The following CDH10 variants were observed in gnomAD, a reference collection of about 807,000 sequenced individuals.
The protein encoded by CDH10 is cadherin-10.
A neutral mutation model predicts 73.1 loss-of-function variants in CDH10; 30 were observed. The ratio of observed to expected loss-of-function variants is 0.41; its 90% CI spans 0.31 to 0.56. The LOEUF (loss-of-function observed/expected upper bound fraction) is 0.56. Among genes scored for constraint, CDH10 ranks in the 20% least tolerant of loss-of-function variants. The pLI is 0.27. For missense variants in CDH10, 815 were observed against 973.7 expected, an observed-to-expected ratio of 0.84 and a Z score of 2.17; for synonymous variants, 345 against 348.2, an observed-to-expected ratio of 0.99 and a Z score of 0.10.
intron 1 of CDH10, among the ~76,000 whole-genome samples, chr5:24,621,085 G>A (rs546094264): frequency 1.3e-5 from 2 of 152,220 alleles, no homozygotes; most frequent in Admixed American, 6.5e-5. Context: ...ATTCAGGAGG[G>A]AGCCTCCATC....
intron 8 of CDH10, among the ~76,000 whole-genome samples, chr5:24,502,027 T>A (rs1441808465): frequency 6.8e-6 from 1 of 147,874 alleles, no homozygotes; most frequent in African/African-American, 2.5e-5. Context: ...CACGCCATTC[T>A]CCTACCTCAG....
chr5:24,520,588 T>C (rs1008173840), intron 5 of CDH10, among the ~76,000 whole-genome samples: 3 of 152,190 alleles, frequency 2.0e-5, no homozygotes, highest in African/African-American at 7.2e-5. Flanking sequence ...AAGGAGAGGA[T>C]GATATATGCA....
At chr5:24,609,244 A>T (rs1746862740) in intron 1 of CDH10, among the ~76,000 whole-genome samples, 1 of 152,180 alleles carries the variant, frequency 6.6e-6, no homozygotes, top group South Asian at 2.1e-4. Flanking sequence ...AAAGAGGGTC[A>T]AGCTATTGAG....
At chr5:24,550,462 G>C (rs1744503994) in intron 2 of CDH10, among the ~76,000 whole-genome samples, 1 of 151,898 alleles carries the variant, frequency 6.6e-6, no homozygotes, top group African/African-American at 2.4e-5. Context: ...GGAAATACTA[G>C]GATTCCATAA....
chr5:24,550,806 T>A (rs1376568914), intron 2 of CDH10, among the ~76,000 whole-genome samples: 1 of 152,144 alleles, frequency 6.6e-6, no homozygotes, highest in African/African-American at 2.4e-5. Context: ...CTTTACTCAT[T>A]TATTCCATAA....
At chr5:24,519,613 A>C (rs2111807096) in intron 5 of CDH10, among the ~76,000 whole-genome samples, 1 of 152,304 alleles carries the variant, frequency 6.6e-6, no homozygotes, top group South Asian at 2.1e-4. Flanking sequence ...CTACCCTAAA[A>C]TTAAACCAGG....
At chr5:24,618,190 A>C (rs1199964950) in intron 1 of CDH10, among the ~76,000 whole-genome samples, 1 of 152,202 alleles carries the variant, frequency 6.6e-6, no homozygotes, top group African/African-American at 2.4e-5. Context: ...ATAATTATGG[A>C]TAAAACTGAT....
At chr5:24,506,746 A>G (rs1317416044) in intron 7 of CDH10, among the ~76,000 whole-genome samples, 2 of 152,154 alleles carry the variant, frequency 1.3e-5, no homozygotes, top group African/African-American at 4.8e-5. Flanking sequence ...GAATGACCTA[A>G]TTAATTGGCA....
chr5:24,539,774 T>G (rs1170506658), intron 2 of CDH10, among the ~76,000 whole-genome samples: 1 of 152,038 alleles, frequency 6.6e-6, no homozygotes, highest in Non-Finnish European at 1.5e-5. Context: ...GAAACCACTC[T>G]TAAAAAAAGT....
rs758705496 is a variant in CDH10 at position 24,487,653 on chromosome 5, A to G, written c.*10T>C. 43 of 1,604,128 alleles carry G rather than the reference A, an allele frequency of 2.7e-5. No individual in the cohort carries two copies. The highest frequency in any genetic ancestry group is 3.4e-5 in the Admixed American group (2 of 59,290). ...ACTTTCTCTTGTTTGAACAGAACAT[A>G]TATCCTACGTTAAGAGTCTTTGTCA... On this transcript the variant is annotated 3_prime_UTR_variant, in exon 12 of 12. Coordinates refer to ENST00000264463, the MANE Select transcript of CDH10 (RefSeq NM_006727.5).
At chr5:24,504,506 CTTTTTTTTTTT>C (rs70965605) in intron 8 of CDH10, among the ~76,000 whole-genome samples, 4,056 of 65,140 alleles carry the variant, frequency 0.062, 957 homozygotes, top group African/African-American at 0.094. Context: ...TCCTATTAAT[CTTTTTTTTTTT>C]TTTTTTTTTT....
rs1001227038 is a variant in CDH10, at chr5:24,586,843, C to CTTTTTTTTTTTTTTTTTTTTTTTTTT, written c.231+6416_231+6417insAAAAAAAAAAAAAAAAAAAAAAAAAA. ...GTAAAACAATAAGATAGCCCATATTCTTTTTTTTTTTTTTTTTTTGAGCCG... is the reference window on the plus strand; with the variant it reads ...GTAAAACAATAAGATAGCCCATATTCTTTTTTTTTTTTTTTTTTTTTTTTTTTTTTTTTTTTTTTTTTTTTGAGCCG... On this transcript the variant is annotated intron_variant, in intron 2 of 11. Transcript: ENST00000264463. Among the ~76,000 whole-genome samples the CTTTTTTTTTTTTTTTTTTTTTTTTTT allele has an allele frequency of 1.3e-4, 13 of 102,756 alleles. 1 individual carries two copies. The highest frequency in any genetic ancestry group is 2.8e-4 in the East Asian group (1 of 3,516). The allele number at this position is 102,756 out of a possible 152,430, so 67.4% of individuals were successfully genotyped here.
At chr5:24,573,649 G>A (rs1446028441) in intron 2 of CDH10, among the ~76,000 whole-genome samples, 2 of 148,672 alleles carry the variant, frequency 1.3e-5, no homozygotes, top group Non-Finnish European at 3.0e-5. Flanking sequence ...TGCAGTGAGC[G>A]GAGATCGCGC....
rs1433082997 is a variant in CDH10, at chr5:24,487,617, T to C, written c.*46A>G. ...CAAATATTGTGAAGTGGAGACAGCA[T>C]GGGTAGAGTTACTTTCTCTTGTTTG... On this transcript the variant is annotated 3_prime_UTR_variant, in exon 12 of 12. Coordinates refer to ENST00000264463, the MANE Select transcript of CDH10 (RefSeq NM_006727.5). The C allele has an allele frequency of 6.5e-7, 1 of 1,542,950 alleles. No individual in the cohort carries two copies. The highest frequency in any genetic ancestry group is 8.8e-7 in the Non-Finnish European group (1 of 1,140,104).
chr5:24,487,534 T>C lies in CDH10; in HGVS notation c.*129A>G. 1.3e-6 allele frequency: 1 copy of C among 790,754 alleles called. No homozygotes were observed. Among genetic ancestry groups the C allele is most frequent in the Non-Finnish European group, 2.1e-6 (1 of 480,640 alleles). The allele number at this position is 790,754 out of a possible 1,614,324, so 49.0% of individuals were successfully genotyped here. ...AGAATTAATGTAATTAATGAACAAA[T>C]TAAGAAGTAAATGAGAAAAAAAATT... On this transcript the variant is annotated 3_prime_UTR_variant, in exon 12 of 12. Transcript: ENST00000264463.
intron 2 of CDH10, among the ~76,000 whole-genome samples, chr5:24,579,672 C>G (rs541751205): frequency 2.2e-4 from 33 of 152,242 alleles, no homozygotes; most frequent in African/African-American, 7.7e-4. Flanking sequence ...TTGACACATT[C>G]TCTTCTCCTT....
intron 1 of CDH10, among the ~76,000 whole-genome samples, chr5:24,606,404 AGT>A (rs1561192918): frequency 1.3e-5 from 2 of 152,132 alleles, no homozygotes; most frequent in African/African-American, 4.8e-5. Flanking sequence ...TGAGGTCAGG[AGT>A]TCGAGACCAG....
intron 2 of CDH10, among the ~76,000 whole-genome samples, chr5:24,576,182 T>C (rs1417298171): frequency 1.3e-5 from 2 of 152,192 alleles, no homozygotes; most frequent in Non-Finnish European, 2.9e-5. Context: ...TCTTCAATTT[T>C]ATCAGCTATA....
intron 5 of CDH10, among the ~76,000 whole-genome samples, chr5:24,530,588 A>G (rs1561143702): frequency 6.6e-6 from 1 of 152,094 alleles, no homozygotes. Flanking sequence ...ATGAAACAGA[A>G]AAAAATAAGG....
Sources: allele counts gnomAD v4.1 joint callset (sites outside exome capture counted in the v4.1 genomes callset), GRCh38; gene constraint gnomAD v4.1.1; transcripts MANE v1.5; gene names NCBI Gene and HGNC (gene_info 2026-07-23, HGNC 2026-07-21).